The following PARVA variants were observed in gnomAD, a reference collection of about 807,000 sequenced individuals.
The protein encoded by PARVA is parvin alpha.
A neutral mutation model predicts 52.6 loss-of-function variants in PARVA; 25 were observed. That is an observed-to-expected ratio of 0.48 (90% confidence interval 0.35 to 0.66). The LOEUF is 0.66. Ranked by LOEUF, PARVA falls within the 30% of genes least tolerant of loss-of-function variation. The pLI is 0.01. For missense variants in PARVA, 373 were observed against 450.9 expected (o/e 0.83, Z 1.56); for synonymous variants, 185 against 179.1 (o/e 1.03, Z -0.26).
At chr11:12,495,442 T>A (rs1013610746) in intron 4 of PARVA, among the ~76,000 whole-genome samples, 8 of 152,148 alleles carry the variant, frequency 5.3e-5, no homozygotes, top group African/African-American at 1.9e-4. Context: ...CCTTAAAAAT[T>A]AGGAGAAAAG....
chr11:12,442,282 G>C (rs573468232), intron 1 of PARVA, among the ~76,000 whole-genome samples: 32 of 152,348 alleles, frequency 2.1e-4, no homozygotes, highest in Admixed American at 1.8e-3. Context: ...GCATCAAATG[G>C]AGATCACAAT....
At chr11:12,435,393 C>G (rs907172387) in intron 1 of PARVA, among the ~76,000 whole-genome samples, 1 of 152,244 alleles carries the variant, frequency 6.6e-6, no homozygotes, top group African/African-American at 2.4e-5. Context: ...CATTCCAAAG[C>G]TGCTTCTGAA....
Position 12,531,145 on chromosome 11 carries a change from C to T in PARVA, c.*3220C>T, listed in dbSNP as rs1196551413. Among the ~76,000 whole-genome samples, 1 of 152,168 alleles carries T rather than the reference C, an allele frequency of 6.6e-6. No homozygotes were observed. The highest frequency in any genetic ancestry group is 1.5e-5 in the Non-Finnish European group (1 of 68,026). On this transcript the variant is annotated 3_prime_UTR_variant, in exon 13 of 13. Coordinates refer to ENST00000334956, the MANE Select transcript of PARVA (RefSeq NM_018222.5). The stretch of plus-strand genomic sequence containing the variant: ...ATACTGTACTATAAAGTCTAGCTGC[C>T]AGCAATGCAGTGCTCGCCTGCTATA...
In PARVA at chr11:12,532,342, G is replaced by A. The variant is rs1469097845; in HGVS notation, c.*4417G>A. 1.3e-5 allele frequency among the ~76,000 whole-genome samples: 2 copies of A among 152,164 alleles called. No individual in the cohort carries two copies. Among genetic ancestry groups the A allele is most frequent in the East Asian group, 3.9e-4 (2 of 5,192 alleles). ...ACTGACGCTTTTTGTTTTCTAGTTG[G>A]AGCGCACCTCAGAGTCCCCTACATA... is the stretch of plus-strand genomic sequence containing the variant. On this transcript the variant is annotated 3_prime_UTR_variant, in exon 13 of 13. Transcript: ENST00000334956.
chr11:12,475,335 G>A (rs1233990499), intron 3 of PARVA, among the ~76,000 whole-genome samples: 2 of 152,132 alleles, frequency 1.3e-5, no homozygotes, highest in African/African-American at 2.4e-5. Flanking sequence ...ACCACTCCAC[G>A]GCTGCTATAA....
In PARVA at chr11:12,476,498, GA is replaced by G. The variant is rs796285052; in HGVS notation, c.298-1337del. ...ACATAGCAAGACCCTGCCTCAAAAG[GA>G]AAAAAAAAAAAGTCTCCTCAAACAC... On this transcript the variant is annotated intron_variant, in intron 3 of 12. Transcript: ENST00000334956. Among the ~76,000 whole-genome samples, 319 of 142,738 alleles carry G rather than the reference GA, an allele frequency of 2.2e-3. 3 individuals are homozygous for G. Among genetic ancestry groups the G allele is most frequent in the African/African-American group, 5.4e-3 (212 of 39,204 alleles). 93.6% of individuals were successfully genotyped at this position (142,738 alleles called of 152,430 possible).
At chr11:12,406,680 T>TC (rs1939914608) in intron 1 of PARVA, among the ~76,000 whole-genome samples, 1 of 132,834 alleles carries the variant, frequency 7.5e-6, no homozygotes, top group Non-Finnish European at 1.6e-5. Context: ...TTTTTTTTTT[T>TC]TTTTTTTTGA....
In PARVA at chr11:12,529,000, C is replaced by T. The variant is rs1366090001; in HGVS notation, c.*1075C>T. Reference sequence around the variant, plus strand: ...TAAGCAAATGTACAATATGCTCAGGCACCGCAGAGAGCTGGGCACGGGCCC... The same window carrying T: ...TAAGCAAATGTACAATATGCTCAGGTACCGCAGAGAGCTGGGCACGGGCCC... On this transcript the variant is annotated 3_prime_UTR_variant, in exon 13 of 13. Coordinates refer to ENST00000334956, the MANE Select transcript of PARVA (RefSeq NM_018222.5). The T allele has an allele frequency of 6.6e-6, 1 of 152,626 alleles. No individual in the cohort carries two copies. The highest frequency in any genetic ancestry group is 1.5e-5 in the Non-Finnish European group (1 of 68,038). The allele number at this position is 152,626 out of a possible 1,614,324, so 9.5% of individuals were successfully genotyped here. A position where few individuals can be genotyped will look rare whatever the true frequency, so the allele number is the denominator to read the frequency against.
At chr11:12,446,041 A>G (rs1364709336) in intron 1 of PARVA, among the ~76,000 whole-genome samples, 2 of 41,038 alleles carry the variant, frequency 4.9e-5, no homozygotes, top group Admixed American at 6.2e-4. Context: ...CATTTACTTT[A>G]AAAAAAAATA....
At chr11:12,384,201 A>T (rs997878345) in intron 1 of PARVA, among the ~76,000 whole-genome samples, 1 of 152,126 alleles carries the variant, frequency 6.6e-6, no homozygotes, top group Non-Finnish European at 1.5e-5. Context: ...TTCTGTAAAT[A>T]TGCTTGAGTC....
At chr11:12,496,365 T>C in intron 4 of PARVA, 93 bp from the exon 5 acceptor site, 1 of 1,333,880 alleles carries the variant, frequency 7.5e-7, no homozygotes, top group Middle Eastern at 2.2e-4. Flanking sequence ...CATGCATGAG[T>C]GCATGAGAGA....
chr11:12,510,335 G>C (rs1294183116), intron 7 of PARVA, among the ~76,000 whole-genome samples: 1 of 152,144 alleles, frequency 6.6e-6, no homozygotes, highest in Non-Finnish European at 1.5e-5. Flanking sequence ...AGAACCAAAA[G>C]TGTATTTGGA....
intron 9 of PARVA, 142 bp downstream of exon 9, chr11:12,513,502 C>A (rs779476338): frequency 2.5e-6 from 2 of 794,340 alleles, no homozygotes; most frequent in South Asian, 1.4e-5. Flanking sequence ...TTCCCCCTTG[C>A]CATCCATGTA....
intron 1 of PARVA, among the ~76,000 whole-genome samples, chr11:12,408,532 C>T (rs1454730697): frequency 6.6e-6 from 1 of 152,178 alleles, no homozygotes; most frequent in Non-Finnish European, 1.5e-5. Context: ...ATGAAGAGGT[C>T]AGGGATGGTT....
intron 5 of PARVA, among the ~76,000 whole-genome samples, chr11:12,501,540 G>A (rs980602872): frequency 9.9e-5 from 15 of 152,086 alleles, no homozygotes; most frequent in Non-Finnish European, 1.8e-4. Context: ...CACTTTAAGC[G>A]GAGCAGTTGT....
chr11:12,468,981 T>C (rs956180255), intron 1 of PARVA, among the ~76,000 whole-genome samples: 1 of 152,170 alleles, frequency 6.6e-6, no homozygotes, highest in African/African-American at 2.4e-5. Flanking sequence ...ATCATCATGA[T>C]TCGTTTAAAC....
At chr11:12,416,564 C>G (rs1213173413) in intron 1 of PARVA, among the ~76,000 whole-genome samples, 1 of 152,096 alleles carries the variant, frequency 6.6e-6, no homozygotes, top group African/African-American at 2.4e-5. Flanking sequence ...GAACCTTCGC[C>G]GACTCCAGCG....
chr11:12,462,213 C>T (rs1041406456), intron 1 of PARVA, among the ~76,000 whole-genome samples: 24 of 152,156 alleles, frequency 1.6e-4, no homozygotes, highest in Non-Finnish European at 1.8e-4. Context: ...GCCATCCATG[C>T]CCTAATCCCT....
chr11:12,487,261 G>T (rs1428630838), intron 4 of PARVA, among the ~76,000 whole-genome samples: 1 of 152,156 alleles, frequency 6.6e-6, no homozygotes, highest in Non-Finnish European at 1.5e-5. Context: ...ACTTTTCTAT[G>T]CCCTAAAATG....
Sources: gnomAD v4.1 joint callset for allele counts (sites outside exome capture counted in the v4.1 genomes callset) on GRCh38, gnomAD v4.1.1 for gene constraint, MANE v1.5 for transcripts, NCBI Gene and HGNC (gene_info 2026-07-23, HGNC 2026-07-21) for gene names.